The following CNTN2 variants were observed in gnomAD, a reference collection of about 807,000 sequenced individuals.
CNTN2 encodes contactin-2.
A neutral mutation model predicts 117.5 loss-of-function variants in CNTN2; 53 were observed. The observed-to-expected ratio is 0.45, with a 90% CI of 0.36 to 0.57. CNTN2 has a LOEUF of 0.57. Ranked by LOEUF, CNTN2 falls within the 20% of genes least tolerant of loss-of-function variation. CNTN2 has a pLI of 0.00. For missense variants in CNTN2, 1,106 were observed against 1,404.3 expected, an observed-to-expected ratio of 0.79 and a Z score of 3.39; for synonymous variants, 530 against 561.7, an observed-to-expected ratio of 0.94 and a Z score of 0.80.
At chr1:205,051,560 C>G (rs3767286) in intron 1 of CNTN2, among the ~76,000 whole-genome samples, 56,567 of 151,956 alleles carry the variant, frequency 0.37, 14,693 homozygotes, top group African/African-American at 0.7. Flanking sequence ...GCCTGTCAAT[C>G]GGAAGTGGAT....
chr1:205,050,889 G>A (rs2096451583), intron 1 of CNTN2, among the ~76,000 whole-genome samples: 1 of 152,252 alleles, frequency 6.6e-6, no homozygotes, highest in Admixed American at 6.5e-5. Context: ...AAACTGCGGG[G>A]ATTACAGGCG....
intron 1 of CNTN2, among the ~76,000 whole-genome samples, chr1:205,047,345 C>T (rs2096443333): frequency 6.6e-6 from 1 of 152,098 alleles, no homozygotes; most frequent in African/African-American, 2.4e-5. Context: ...CCCACGCCAC[C>T]ACAGAGCCCT....
In CNTN2 at chr1:205,045,791, A is replaced by G. The variant is rs1388139281; in HGVS notation, c.-87+2397A>G. Among the ~76,000 whole-genome samples the G allele has an allele frequency of 2.6e-5, 4 of 152,276 alleles. No individual in the cohort carries two copies. The South Asian group carries it at 8.3e-4, about 32-fold the overall frequency. ...CTGCAGGAGACACTTCCTGGCTAGA[A>G]GAGTGAGCCATGAGGAGGTGGGGCA... On this transcript the variant is annotated intron_variant, in intron 1 of 22. Coordinates refer to ENST00000331830, the MANE Select transcript of CNTN2 (RefSeq NM_005076.5).
At chr1:205,063,685 G>GAAAGA (rs1350460657) in intron 10 of CNTN2, 39 of 130,766 alleles carry the variant, frequency 3.0e-4, no homozygotes, top group African/African-American at 1.0e-3. Flanking sequence ...AAGAAAGAAA[G>GAAAGA]AAAGAAAAGA....
chr1:205,058,342 T>C lies in CNTN2; in HGVS notation c.377T>C (p.Ile126Thr). 6.6e-7 allele frequency: 1 copy of C among 1,524,620 alleles called. No individual in the cohort carries two copies. The highest frequency in any genetic ancestry group is 8.8e-7 in the Non-Finnish European group (1 of 1,134,874). The allele number at this position is 1,524,620 out of a possible 1,614,324, so 94.4% of individuals were successfully genotyped here. ...GGCACCGTTGTCAGCAGGGAGGCCATCCTCCGCTTCGGCTGTGAGACCCGC... is the reference window on the plus strand; with the variant it reads ...GGCACCGTTGTCAGCAGGGAGGCCACCCTCCGCTTCGGCTGTGAGACCCGC... ...PVGTVVSREA[I>T]LRFGFLQEFS... The change falls in exon 4 of 23, where the codon ATC becomes ACC. Residue 126 changes from isoleucine to threonine, a missense_variant. Transcript: ENST00000331830. The surrounding 1 kb of genome is among the most constrained non-coding windows in gnomAD (Gnocchi z 4.3).
chr1:205,061,856 C>A lies in CNTN2; in HGVS notation c.974-9C>A. The stretch of plus-strand genomic sequence containing the variant: ...CTCATGCCAGGTTTTCTTTTCCGGG[C>A]TCCCACAGCTCAGCCTGAGTGGCTA... On this transcript the variant is annotated splice_polypyrimidine_tract_variant and intron_variant, in intron 8 of 22. Coordinates refer to ENST00000331830, the MANE Select transcript of CNTN2 (RefSeq NM_005076.5). This position sits in a 1 kb window ranked among gnomAD's most constrained non-coding sequence, Gnocchi z 4.8. The A allele has an allele frequency of 6.6e-7, 1 of 1,505,978 alleles. No homozygotes were observed. The highest frequency in any genetic ancestry group is 2.4e-5 in the East Asian group (1 of 41,716). The allele number at this position is 1,505,978 out of a possible 1,614,324, so 93.3% of individuals were successfully genotyped here.
chr1:205,066,597 C>CCAGTAAGTGTGAGCCCCACCTGGGT lies in CNTN2; in HGVS notation c.1975+3_1975+27dup, dbSNP rs780012602. 1.2e-6 allele frequency: 2 copies of CCAGTAAGTGTGAGCCCCACCTGGGT among 1,613,762 alleles called. No homozygotes were observed. Among genetic ancestry groups the CCAGTAAGTGTGAGCCCCACCTGGGT allele is most frequent in the Non-Finnish European group, 1.7e-6 (2 of 1,179,922 alleles). On this transcript the variant is annotated frameshift_variant and splice_region_variant, in exon 15 of 23. Coordinates refer to ENST00000331830, the MANE Select transcript of CNTN2 (RefSeq NM_005076.5). LOFTEE classifies it high-confidence loss of function. Reference sequence around the variant, plus strand: ...GCAGGGAAGTGGAAGCAGGTTCGGACCAGTAAGTGTGAGCCCCACCTGGGT... The same window carrying CCAGTAAGTGTGAGCCCCACCTGGGT: ...GCAGGGAAGTGGAAGCAGGTTCGGACCAGTAAGTGTGAGCCCCACCTGGGTCAGTAAGTGTGAGCCCCACCTGGGT...
chr1:205,051,199 A>G (rs1404235652), intron 1 of CNTN2, among the ~76,000 whole-genome samples: 1 of 152,234 alleles, frequency 6.6e-6, no homozygotes, highest in Non-Finnish European at 1.5e-5. Flanking sequence ...CATAGGTAAT[A>G]CCAAGATGAA....
intron 1 of CNTN2, among the ~76,000 whole-genome samples, chr1:205,044,914 C>A (rs1420807654): frequency 6.6e-6 from 1 of 152,184 alleles, no homozygotes; most frequent in African/African-American, 2.4e-5. Flanking sequence ...CACCAGTTAA[C>A]CCCTTTCTAG....
intron 1 of CNTN2, among the ~76,000 whole-genome samples, chr1:205,045,413 A>C (rs2096439847): frequency 6.6e-6 from 1 of 152,170 alleles, no homozygotes; most frequent in South Asian, 2.1e-4. Context: ...ATTGTGCTTA[A>C]CGGGGTGATT....
intron 14 of CNTN2, 21 bp from the exon 15 acceptor site, chr1:205,066,420 T>C: frequency 6.2e-7 from 1 of 1,611,294 alleles, no homozygotes; most frequent in Admixed American, 1.7e-5. Flanking sequence ...TGACCCACTG[T>C]GCTCTGACCT....
In CNTN2 at chr1:205,059,413, G is replaced by C. The variant is rs952459614; in HGVS notation, c.697+120G>C. The C allele has an allele frequency of 8.4e-7, 1 of 1,196,956 alleles. No individual in the cohort carries two copies. The highest frequency in any genetic ancestry group is 1.2e-6 in the Non-Finnish European group (1 of 835,628). 74.1% of individuals were successfully genotyped at this position (1,196,956 alleles called of 1,614,324 possible). A position where few individuals can be genotyped will look rare whatever the true frequency, so the allele number is the denominator to read the frequency against. On this transcript the variant is annotated intron_variant, in intron 6 of 22. Transcript: ENST00000331830. This position sits in a 1 kb window ranked among gnomAD's most constrained non-coding sequence, Gnocchi z 5.6. ...TTGCAGGGCACTGATTCCAGGCCCTGGACCCCCAGATCCTCCTGCTTCAAA... is the reference window on the plus strand; with the variant it reads ...TTGCAGGGCACTGATTCCAGGCCCTCGACCCCCAGATCCTCCTGCTTCAAA...
chr1:205,052,857 TG>T (rs1346637481), intron 1 of CNTN2, among the ~76,000 whole-genome samples: 1 of 152,084 alleles, frequency 6.6e-6, no homozygotes, highest in African/African-American at 2.4e-5. Flanking sequence ...CTGGCTGGAA[TG>T]GGGGCAGGTG....
rs200242849 is a variant in CNTN2, at chr1:205,065,832, G to A, written c.1739G>A (p.Arg580His). The A allele has an allele frequency of 3.8e-5, 61 of 1,614,008 alleles. No individual in the cohort carries two copies. Among genetic ancestry groups the A allele is most frequent in the Admixed American group, 5.0e-5 (3 of 60,020 alleles). ...CTGACCATCCTGAACGCCCAGCTGC[G>A]CCATGGGGGGAAGTACACGTGCATG... The part of the protein sequence containing the change: ...GDLTILNAQL[R>H]HGGKYTCMAQ... The change falls in exon 14 of 23, where the codon CGC (arginine) becomes CAC (histidine). Residue 580 changes from arginine (R) to histidine (H), a missense_variant. Arg to His is a conservative substitution (Grantham distance 29). Coordinates refer to ENST00000331830, the MANE Select transcript of CNTN2 (RefSeq NM_005076.5). The surrounding 1 kb of genome is among the most constrained non-coding windows in gnomAD (Gnocchi z 4.1).
rs147074435 is a variant in CNTN2, at chr1:205,057,955, C to T, written c.105C>T (p.Phe35=). 3,429 of 1,614,148 alleles carry T rather than the reference C, an allele frequency of 2.1e-3. 3 individuals carry two copies. The highest frequency in any genetic ancestry group is 2.5e-3 in the Non-Finnish European group (2,900 of 1,180,030). Reference sequence around the variant, plus strand: ...CAGCCCTGGGATCCCAAACCACCTTCGGGCCTGTCTTTGAAGACCAGCCCC... The same window carrying T: ...CAGCCCTGGGATCCCAAACCACCTTTGGGCCTGTCTTTGAAGACCAGCCCC... ...WSSALGSQTT[F]GPVFEDQPLS... Residue 35 remains phenylalanine (F), a synonymous_variant, in exon 3 of 23, where the codon TTC becomes TTT. Transcript: ENST00000331830.
At chr1:205,045,841 A>T (rs2096440697) in intron 1 of CNTN2, among the ~76,000 whole-genome samples, 1 of 152,162 alleles carries the variant, frequency 6.6e-6, no homozygotes, top group African/African-American at 2.4e-5. Context: ...GACTCTAAGG[A>T]TGGTGTGGAG....
At position 205,048,346 on chromosome 1, in the gene CNTN2, T is replaced by C. The variant is rs542983729; in HGVS notation, c.-86-4754T>C. Among the ~76,000 whole-genome samples, 13 of 152,260 alleles carry C rather than the reference T, an allele frequency of 8.5e-5. No individual in the cohort carries two copies. The South Asian group carries it at 2.7e-3, about 32-fold the overall frequency. On this transcript the variant is annotated intron_variant, in intron 1 of 22. Transcript: ENST00000331830. This position sits in a 1 kb window ranked among gnomAD's most constrained non-coding sequence, Gnocchi z 4.1. ...ACCTTGTCGTGTGTTGGAGCCCCAC[T>C]CATAGCCTTCTGTCCCCCAGCTGTC...
At chr1:205,049,075 C>A (rs1377110123) in intron 1 of CNTN2, among the ~76,000 whole-genome samples, 8 of 152,050 alleles carry the variant, frequency 5.3e-5, no homozygotes, top group Non-Finnish European at 1.0e-4. Flanking sequence ...CCCTCCCCTG[C>A]AGTCTCCTCT....
chr1:205,073,600 A>G lies in CNTN2; in HGVS notation c.3014-56A>G. ...TTAGGAAAGGTCTCAATCTTGCCAC[A>G]AGGGTGGGGCTAGGGTAGTCCCAGG... On this transcript the variant is annotated intron_variant, in intron 22 of 22. Transcript: ENST00000331830. The surrounding 1 kb of genome is among the most constrained non-coding windows in gnomAD (Gnocchi z 6.3). 1 of 1,515,036 alleles carries G rather than the reference A, an allele frequency of 6.6e-7. No homozygotes were observed. 93.8% of individuals were successfully genotyped at this position (1,515,036 alleles called of 1,614,324 possible).
Sources: allele counts gnomAD v4.1 joint callset (sites outside exome capture counted in the v4.1 genomes callset), GRCh38; gene constraint gnomAD v4.1.1; non-coding constraint Gnocchi (gnomAD v3.1); transcripts MANE v1.5; gene names NCBI Gene and HGNC (gene_info 2026-07-23, HGNC 2026-07-21).